The following MFSD11 variants were observed in gnomAD, a reference collection of about 807,000 sequenced individuals.
MFSD11 encodes the protein UNC93-like protein MFSD11.
Under a neutral mutation model 53.5 loss-of-function variants are expected in MFSD11, and 36 were observed. The observed-to-expected ratio is 0.67, with a 90% CI of 0.52 to 0.89. The LOEUF (loss-of-function observed/expected upper bound fraction) is 0.89. Among genes scored for constraint, MFSD11 ranks in the 40% least tolerant of loss-of-function variants. MFSD11 has a pLI of 0.00. For synonymous variants in MFSD11, 186 were observed against 184.9 expected, an observed-to-expected ratio of 1.01 and a Z score of -0.05; for missense variants, 530 against 543.9, an observed-to-expected ratio of 0.97 and a Z score of 0.25.
Position 76,743,414 on chromosome 17 carries a change from C to T in MFSD11, c.454C>T (p.Leu152Phe), listed in dbSNP as rs199918367. 3.4e-5 allele frequency: 54 copies of T among 1,583,622 alleles called. No homozygotes were observed. The Admixed American group carries it at 7.0e-4, about 21-fold the overall frequency. The part of the protein sequence containing the change: ...LLQSSLFFGN[L>F]YIYFAWQGKT... ...TTCCCCCAGCTTGTTCTTTGGAAATCTCTACATATATTTTGCCTGGCAAGG... is the reference window on the plus strand; with the variant it reads ...TTCCCCCAGCTTGTTCTTTGGAAATTTCTACATATATTTTGCCTGGCAAGG... The change falls in exon 6 of 13, where the codon CTC becomes TTC. Residue 152 changes from leucine (L) to phenylalanine (F), a missense_variant. By Grantham distance (22) the Leu-to-Phe change is conservative. Transcript: ENST00000685175.
At chr17:76,736,692 G>A, upstream of MFSD11, 1 of 1,289,724 alleles carries the variant, frequency 7.8e-7, no homozygotes, top group Non-Finnish European at 9.9e-7. Context: ...GTGCACCCCC[G>A]CCCCGTCCGG....
At chr17:76,796,491 T>C in the MFSD11 span, among the ~76,000 whole-genome samples, 1 of 152,028 alleles carries the variant, frequency 6.6e-6, no homozygotes, top group Non-Finnish European at 1.5e-5. Flanking sequence ...TCTCTGGGGG[T>C]TTCTCTTCCA....
chr17:76,755,812 ATTTTTTTTTTTT>A (rs552254902), intron 8 of MFSD11, among the ~76,000 whole-genome samples: 1 of 19,518 alleles, frequency 5.1e-5, no homozygotes, highest in African/African-American at 1.6e-4. Flanking sequence ...ATATATATAT[ATTTTTTTTTTTT>A]TTTTTTTTTT....
chr17:76,782,239 G>T (rs1295214490), downstream of MFSD11, among the ~76,000 whole-genome samples: 2 of 151,026 alleles, frequency 1.3e-5, no homozygotes, highest in Non-Finnish European at 2.9e-5. Context: ...GCAATGGCGC[G>T]ATCTCGGCTC....
At chr17:76,797,507 T>A in the MFSD11 span, among the ~76,000 whole-genome samples, 1 of 152,118 alleles carries the variant, frequency 6.6e-6, no homozygotes, top group Non-Finnish European at 1.5e-5. Flanking sequence ...AAAGTTCCCT[T>A]TAGTCGCTGT....
At position 76,740,619 on chromosome 17, in the gene MFSD11, G is replaced by A. The variant is rs80350439; in HGVS notation, c.153-338G>A. Among the ~76,000 whole-genome samples, 1,043 of 152,070 alleles carry A rather than the reference G, an allele frequency of 6.9e-3. 12 individuals carry two copies. The highest frequency in any genetic ancestry group is 0.024 in the African/African-American group (994 of 41,470). ...TTCCTTTTTCTTTTCTTTCACATGA[G>A]GATAATAACAATATCTTTCTCCTAG... On this transcript the variant is annotated intron_variant, in intron 2 of 12. Transcript: ENST00000685175.
the MFSD11 span, among the ~76,000 whole-genome samples, chr17:76,795,498 A>T: frequency 0.063 from 9,562 of 152,056 alleles, 1,008 homozygotes; most frequent in African/African-American, 0.21. Flanking sequence ...CCCAAAAAAA[A>T]AAAATTATAA....
At chr17:76,736,684 G>T, upstream of MFSD11, 7 of 1,251,140 alleles carry the variant, frequency 5.6e-6, no homozygotes, top group Non-Finnish European at 7.2e-6. Context: ...GACGCGGCGT[G>T]CACCCCCGCC....
At chr17:76,772,081 G>T (rs1037251720) in intron 10 of MFSD11, among the ~76,000 whole-genome samples, 11 of 152,142 alleles carry the variant, frequency 7.2e-5, no homozygotes, top group Non-Finnish European at 1.2e-4. Flanking sequence ...CTCACTTTCT[G>T]TAGGCAACCT....
chr17:76,758,351 G>C (rs1243950437), intron 8 of MFSD11, among the ~76,000 whole-genome samples: 2 of 152,024 alleles, frequency 1.3e-5, no homozygotes, highest in East Asian at 3.9e-4. Flanking sequence ...AAGCCAAGGT[G>C]ATGGGGGGAT....
chr17:76,768,665 A>G lies in MFSD11; in HGVS notation c.749-1081A>G, dbSNP rs141870180. Among the ~76,000 whole-genome samples the G allele has an allele frequency of 5.3e-5, 8 of 152,240 alleles. No individual in the cohort carries two copies. The East Asian group carries it at 1.5e-3, about 29-fold the overall frequency. On this transcript the variant is annotated intron_variant, in intron 9 of 12. Coordinates refer to ENST00000685175, the MANE Select transcript of MFSD11 (RefSeq NM_001242532.5). ...TTTTAAGACACATTGTATAGTATGT[A>G]TTGGCTTTCCATTACAGTAAGAATA...
chr17:76,778,123 G>C (rs1021059603), intron 12 of MFSD11, 65 bp from the exon 13 acceptor site: 67 of 1,563,364 alleles, frequency 4.3e-5, no homozygotes, highest in Non-Finnish European at 5.9e-5. Context: ...AGTGGGGCTA[G>C]GGGCTAACTG....
At chr17:76,774,959 G>C in intron 10 of MFSD11, 38 bp from the exon 11 acceptor site, 2 of 1,592,646 alleles carry the variant, frequency 1.3e-6, no homozygotes, top group African/African-American at 1.3e-5. Flanking sequence ...GTGATGTTTC[G>C]GCAACATTAG....
chr17:76,796,378 A>G, the MFSD11 span, among the ~76,000 whole-genome samples: 1 of 152,072 alleles, frequency 6.6e-6, no homozygotes, highest in Non-Finnish European at 1.5e-5. Flanking sequence ...TCTCACAACT[A>G]TATTAACTCT....
At chr17:76,772,514 C>CT (rs1253072933) in intron 10 of MFSD11, among the ~76,000 whole-genome samples, 1,770 of 132,944 alleles carry the variant, frequency 0.013, 6 homozygotes, top group African/African-American at 0.02. Context: ...ACCTTAGTAA[C>CT]TTTTTTTTTT....
chr17:76,763,278 T>G (rs535091569), intron 8 of MFSD11, among the ~76,000 whole-genome samples: 27 of 152,172 alleles, frequency 1.8e-4, no homozygotes, highest in African/African-American at 5.3e-4. Flanking sequence ...TTTGTTTTTT[T>G]TTTTGAGGTG....
rs919719538 is a variant in MFSD11 at position 76,738,181 on chromosome 17, C to T, written c.-172C>T. The T allele has an allele frequency of 2.6e-5, 16 of 609,632 alleles. 1 individual carries two copies. In the South Asian group the frequency reaches 3.2e-4, roughly 12 times the overall value. 37.8% of individuals were successfully genotyped at this position (609,632 alleles called of 1,614,324 possible). A position where few individuals can be genotyped will look rare whatever the true frequency, so the allele number is the denominator to read the frequency against. ...CTAACTGCCGGTGGGGAGAACTTCGCCCTAAACCTGGGGTTCCGATCCAGG... is the reference window on the plus strand; with the variant it reads ...CTAACTGCCGGTGGGGAGAACTTCGTCCTAAACCTGGGGTTCCGATCCAGG... On this transcript the variant is annotated 5_prime_UTR_variant, in exon 1 of 13. Transcript: ENST00000685175.
At chr17:76,751,206 C>T (rs1336844566) in intron 7 of MFSD11, among the ~76,000 whole-genome samples, 3 of 151,218 alleles carry the variant, frequency 2.0e-5, no homozygotes, top group African/African-American at 7.3e-5. Context: ...CTGGCTAACA[C>T]GGTGAAACCC....
chr17:76,755,602 G>A (rs994451181), intron 8 of MFSD11, among the ~76,000 whole-genome samples: 1 of 151,456 alleles, frequency 6.6e-6, no homozygotes. Context: ...GGCCAGAAAT[G>A]CCTGTAGCTT....
Sources: gnomAD v4.1 joint callset for allele counts (sites outside exome capture counted in the v4.1 genomes callset) on GRCh38, gnomAD v4.1.1 for gene constraint, MANE v1.5 for transcripts, NCBI Gene and HGNC (gene_info 2026-07-23, HGNC 2026-07-21) for gene names.